The following ROPN1L variants were observed in gnomAD, a reference collection of about 807,000 sequenced individuals.
The protein encoded by ROPN1L is rhophilin associated tail protein 1 like, also known as ropporin-1-like protein.
A neutral mutation model predicts 22.7 loss-of-function variants in ROPN1L; 23 were observed. The observed-to-expected ratio is 1.01, with a 90% CI of 0.73 to 1.43. The LOEUF (loss-of-function observed/expected upper bound fraction) is 1.43, where lower values mean the gene tolerates loss of function less well. ROPN1L is among the 40% of genes most tolerant of loss of function. The pLI is 0.00. For missense variants in ROPN1L, 271 were observed against 291.5 expected (o/e 0.93, Z 0.51); for synonymous variants, 116 against 117.8 (o/e 0.98, Z 0.10).
In ROPN1L at chr5:10,464,958, A is replaced by T. The variant is rs1261980740; in HGVS notation, c.*11A>T. 4 of 1,452,854 alleles carry T rather than the reference A, an allele frequency of 2.8e-6. No homozygotes were observed. Among genetic ancestry groups the T allele is most frequent in the Non-Finnish European group, 2.8e-6 (3 of 1,057,592 alleles). The allele number at this position is 1,452,854 out of a possible 1,614,324, so 90.0% of individuals were successfully genotyped here. ...GATGTAGGCCATTAATACAGAGAAG[A>T]ATACATTTTAATGTCAAAATAGTGC... On this transcript the variant is annotated 3_prime_UTR_variant, in exon 5 of 5. Coordinates refer to ENST00000274134, the MANE Select transcript of ROPN1L (RefSeq NM_031916.5).
In ROPN1L at chr5:10,449,965, G is replaced by T; in HGVS notation, c.269G>T (p.Arg90Leu). The change falls in exon 3 of 5, where the codon CGG becomes CTG. Residue 90 changes from arginine to leucine, a missense_variant. Arg to Leu is a moderately radical substitution (Grantham distance 102, BLOSUM62 -2). Transcript: ENST00000274134. ...KVLHKQCHHK[R>L]YVELTDLEQK... ...TTTTCCAAACAGTGTCACCACAAGC[G>T]GTATGTGGAATTAACAGATCTTGAG... is the stretch of plus-strand genomic sequence containing the variant. 2 of 1,609,824 alleles carry T rather than the reference G, an allele frequency of 1.2e-6. No individual in the cohort carries two copies. The highest frequency in any genetic ancestry group is 1.1e-5 in the South Asian group (1 of 90,184).
chr5:10,477,957 C>G, the ROPN1L span: 1 of 152,128 alleles, frequency 6.6e-6, no homozygotes. Context: ...ATTCAAAATC[C>G]TCCAGGATAA....
chr5:10,481,324 C>G, the ROPN1L span, among the ~76,000 whole-genome samples: 1 of 152,320 alleles, frequency 6.6e-6, no homozygotes, highest in South Asian at 2.1e-4. Context: ...TATGCAGGGC[C>G]ACGAGCGTTG....
At chr5:10,456,651 G>A (rs773181477) in intron 3 of ROPN1L, among the ~76,000 whole-genome samples, 2 of 152,178 alleles carry the variant, frequency 1.3e-5, no homozygotes, top group Non-Finnish European at 2.9e-5. Context: ...CCACCCACAG[G>A]CCTTTGGAAT....
downstream of ROPN1L, among the ~76,000 whole-genome samples, chr5:10,475,983 A>T (rs369405070): frequency 3.3e-5 from 5 of 152,266 alleles, no homozygotes; most frequent in African/African-American, 1.2e-4. Flanking sequence ...ATGGACTTTC[A>T]CCCTCATCTG....
chr5:10,447,892 G>GA (rs1323929261), intron 1 of ROPN1L, among the ~76,000 whole-genome samples: 19 of 150,632 alleles, frequency 1.3e-4, no homozygotes, highest in African/African-American at 4.1e-4. Flanking sequence ...AAAAATTTAG[G>GA]AAAAAAAAAG....
chr5:10,472,743 C>G (rs1273830553), downstream of ROPN1L, among the ~76,000 whole-genome samples: 1 of 152,146 alleles, frequency 6.6e-6, no homozygotes, highest in Non-Finnish European at 1.5e-5. Context: ...TAGAATTCAG[C>G]CTGTTTTCCA....
chr5:10,464,957 GA>G lies in ROPN1L; in HGVS notation c.*12del, dbSNP rs1735126733. The G allele has an allele frequency of 4.0e-6, 6 of 1,492,296 alleles. No homozygotes were observed. Among genetic ancestry groups the G allele is most frequent in the Non-Finnish European group, 5.5e-6 (6 of 1,092,902 alleles). 92.4% of individuals were successfully genotyped at this position (1,492,296 alleles called of 1,614,324 possible). A position where few individuals can be genotyped will look rare whatever the true frequency, so the allele number is the denominator to read the frequency against. On this transcript the variant is annotated 3_prime_UTR_variant, in exon 5 of 5. Coordinates refer to ENST00000274134, the MANE Select transcript of ROPN1L (RefSeq NM_031916.5). ...AGATGTAGGCCATTAATACAGAGAA[GA>G]ATACATTTTAATGTCAAAATAGTGC...
At chr5:10,447,916 T>G (rs1030210438) in intron 1 of ROPN1L, among the ~76,000 whole-genome samples, 7 of 152,020 alleles carry the variant, frequency 4.6e-5, no homozygotes, top group Admixed American at 1.3e-4. Context: ...GAATAATACA[T>G]GGAACTCCAG....
chr5:10,450,459 A>T (rs1741216732), intron 3 of ROPN1L, among the ~76,000 whole-genome samples: 2 of 152,222 alleles, frequency 1.3e-5, no homozygotes, highest in East Asian at 3.8e-4. Flanking sequence ...AGAGGCATAC[A>T]ATTATTTTCT....
At chr5:10,447,086 AGCAATGTTTCTAACTACCCATG>A (rs1407717272) in intron 1 of ROPN1L, among the ~76,000 whole-genome samples, 15 of 152,324 alleles carry the variant, frequency 9.8e-5, no homozygotes, top group African/African-American at 3.4e-4. Context: ...ATTTATCTGT[AGCAATGTTTCTAACTACCCATG>A]GCTTTAAAAT....
chr5:10,459,672 T>C (rs536355145), intron 3 of ROPN1L, among the ~76,000 whole-genome samples: 1 of 152,144 alleles, frequency 6.6e-6, no homozygotes, highest in East Asian at 1.9e-4. Flanking sequence ...ACTGGCTCCT[T>C]CCCCCTGGGT....
intron 2 of ROPN1L, 56 bp from the exon 3 acceptor site, chr5:10,449,896 A>T (rs769354662): frequency 1.3e-6 from 2 of 1,483,104 alleles, no homozygotes; most frequent in African/African-American, 2.8e-5. Context: ...CACAGCATTC[A>T]TTGTTTCCCA....
At chr5:10,442,402 C>A in intron 1 of ROPN1L, 104 bp downstream of exon 1, 1 of 1,446,482 alleles carries the variant, frequency 6.9e-7, no homozygotes, top group Non-Finnish European at 9.4e-7. Flanking sequence ...CACTCAGCGT[C>A]CTTAAGAGTA....
At chr5:10,461,623 G>T in intron 4 of ROPN1L, 1 of 370,040 alleles carries the variant, frequency 2.7e-6, no homozygotes. Context: ...CCCACAGGTT[G>T]AGGGTTCAGT....
At chr5:10,467,436 G>A (rs192786348), downstream of ROPN1L, among the ~76,000 whole-genome samples, 7 of 152,288 alleles carry the variant, frequency 4.6e-5, no homozygotes, top group African/African-American at 1.7e-4. Context: ...GGATCACAGA[G>A]GCAGTCTGTG....
At chr5:10,456,157 T>C (rs1158327560) in intron 3 of ROPN1L, among the ~76,000 whole-genome samples, 5 of 152,176 alleles carry the variant, frequency 3.3e-5, no homozygotes, top group African/African-American at 1.2e-4. Context: ...CCACTTGAAT[T>C]TCAGATTATG....
chr5:10,467,816 A>G (rs976549083), downstream of ROPN1L, among the ~76,000 whole-genome samples: 1 of 152,154 alleles, frequency 6.6e-6, no homozygotes, highest in African/African-American at 2.4e-5. Context: ...CCGTCTGAAC[A>G]CCTGTGTCGT....
chr5:10,474,899 A>T (rs1041988648), downstream of ROPN1L, among the ~76,000 whole-genome samples: 2 of 151,990 alleles, frequency 1.3e-5, no homozygotes, highest in African/African-American at 4.8e-5. Flanking sequence ...GTATATTTTA[A>T]AGTCATGTTT....
Sources: gnomAD v4.1 joint callset for allele counts (sites outside exome capture counted in the v4.1 genomes callset) on GRCh38, gnomAD v4.1.1 for gene constraint, MANE v1.5 for transcripts, NCBI Gene and HGNC (gene_info 2026-07-23, HGNC 2026-07-21) for gene names.